Variants in AGO2 observed in about 807,000 individuals in gnomAD.
The protein encoded by AGO2 is argonaute RISC catalytic component 2.
A neutral mutation model predicts 102.3 loss-of-function variants in AGO2; 5 were observed. The observed-to-expected ratio is 0.05, with a 90% confidence interval of 0.03 to 0.10. AGO2 has a LOEUF of 0.10. Among genes scored for constraint, AGO2 ranks in the 10% least tolerant of loss-of-function variants. The pLI, the probability that AGO2 is intolerant of heterozygous loss-of-function variation, is 1.00. For synonymous variants in AGO2, 449 were observed against 473.1 expected, an observed-to-expected ratio of 0.95 and a Z score of 0.66; for missense variants, 541 against 1,183.7, an observed-to-expected ratio of 0.46 and a Z score of 7.97.
At chr8:140,617,484 C>T (rs1041139225) in intron 1 of AGO2, among the ~76,000 whole-genome samples, 1 of 152,110 alleles carries the variant, frequency 6.6e-6, no homozygotes, top group African/African-American at 2.4e-5. Flanking sequence ...AACTCCTGAC[C>T]TCAAGTGATC....
chr8:140,557,820 C>T lies in AGO2; in HGVS notation c.879-584G>A, dbSNP rs971256351. ...TCAGTTTCTACTGCACAGACCCCTT[C>T]CCCCAATCCAGACTGCCGGGCCATC... On this transcript the variant is annotated intron_variant, in intron 7 of 18. Coordinates refer to ENST00000220592, the MANE Select transcript of AGO2 (RefSeq NM_012154.5). The surrounding 1 kb of genome is among the most constrained non-coding windows in gnomAD (Gnocchi z 5.9). 6.6e-5 allele frequency among the ~76,000 whole-genome samples: 10 copies of T among 152,208 alleles called. No individual in the cohort carries two copies. Among genetic ancestry groups the T allele is most frequent in the Non-Finnish European group, 1.3e-4 (9 of 68,032 alleles).
In AGO2 at chr8:140,547,425, T is replaced by C. The variant is rs2132898007; in HGVS notation, c.1748+43A>G. 3 of 1,600,632 alleles carry C rather than the reference T, an allele frequency of 1.9e-6. No homozygotes were observed. The South Asian group carries it at 3.4e-5, about 18-fold the overall frequency. On this transcript the variant is annotated intron_variant, in intron 13 of 18. Transcript: ENST00000220592. ...CACCCCACCCTGCCAAGCGTCCCAC[T>C]GTGCCCTGGTCCGCAGGCGGAGGTA...
At chr8:140,622,020 C>A (rs1046714191) in intron 1 of AGO2, among the ~76,000 whole-genome samples, 1 of 152,188 alleles carries the variant, frequency 6.6e-6, no homozygotes, top group Non-Finnish European at 1.5e-5. Flanking sequence ...CAAGCCAAAT[C>A]GTAGATGAAC....
chr8:140,534,458 C>A (rs1271020680), intron 17 of AGO2, among the ~76,000 whole-genome samples: 1 of 152,166 alleles, frequency 6.6e-6, no homozygotes, highest in East Asian at 1.9e-4. Flanking sequence ...CTGGGACAGG[C>A]ACTTTGCACC....
chr8:140,599,528 G>A (rs1288067671), intron 1 of AGO2, among the ~76,000 whole-genome samples: 2 of 152,140 alleles, frequency 1.3e-5, no homozygotes, highest in Non-Finnish European at 2.9e-5. Context: ...GCAGCTCCAG[G>A]TCCGACACTC....
chr8:140,538,359 T>A (rs1413339320), intron 16 of AGO2, among the ~76,000 whole-genome samples: 1 of 152,256 alleles, frequency 6.6e-6, no homozygotes, highest in African/African-American at 2.4e-5. Context: ...GCCTCCTTTC[T>A]GGGCAGGTCT....
At chr8:140,552,740 G>GCACACACA (rs58668484) in intron 10 of AGO2, among the ~76,000 whole-genome samples, 2 of 130,886 alleles carry the variant, frequency 1.5e-5, no homozygotes, top group Non-Finnish European at 1.7e-5. Flanking sequence ...GCGCGCGCGC[G>GCACACACA]CACACACACA....
At chr8:140,631,674 C>A (rs1406260381) in intron 1 of AGO2, among the ~76,000 whole-genome samples, 2 of 152,148 alleles carry the variant, frequency 1.3e-5, no homozygotes, top group Non-Finnish European at 2.9e-5. Flanking sequence ...ATTCAGGATC[C>A]AAAGCACCCA....
chr8:140,629,931 G>GGGAGA (rs939703236), intron 1 of AGO2, among the ~76,000 whole-genome samples: 1 of 150,820 alleles, frequency 6.6e-6, no homozygotes, highest in East Asian at 2.0e-4. Context: ...GGGAGCGGAG[G>GGGAGA]GGAGAGGAGA....
At position 140,532,535 on chromosome 8, in the gene AGO2, G is replaced by A. The variant is rs375849056; in HGVS notation, c.2352C>T (p.Tyr784=). The stretch of plus-strand genomic sequence containing the variant: ...AGCGCACGTAGGTGTGACACAGCTG[G>A]TAGGTTAGGATCTGCAGCTCATCAG... ...FSSDELQILT[Y]QLCHTYVRCT... The change falls in exon 18 of 19, where the codon TAC becomes TAT. Residue 784 remains tyrosine, a synonymous_variant. Coordinates refer to ENST00000220592, the MANE Select transcript of AGO2 (RefSeq NM_012154.5). The A allele has an allele frequency of 8.1e-6, 13 of 1,614,168 alleles. No individual in the cohort carries two copies. Among genetic ancestry groups the A allele is most frequent in the Non-Finnish European group, 1.1e-5 (13 of 1,180,058 alleles).
At chr8:140,571,133 C>T (rs1364468736) in intron 3 of AGO2, among the ~76,000 whole-genome samples, 1 of 152,202 alleles carries the variant, frequency 6.6e-6, no homozygotes, top group East Asian at 1.9e-4. Context: ...CTTGGGAAAA[C>T]CAACGTCTAT....
chr8:140,560,369 C>T lies in AGO2; in HGVS notation c.655+5G>A. ...CTGCAGTGAAGACCCCAGGGCGCTG[C>T]TTACCATCAATATTCAGCATCATTT... is the stretch of plus-strand genomic sequence containing the variant. On this transcript the variant is annotated splice_donor_5th_base_variant and intron_variant, in intron 5 of 18. Transcript: ENST00000220592. The T allele has an allele frequency of 1.2e-6, 2 of 1,614,014 alleles. No individual in the cohort carries two copies. The highest frequency in any genetic ancestry group is 1.7e-6 in the Non-Finnish European group (2 of 1,179,908).
chr8:140,578,335 G>A (rs920071547), intron 2 of AGO2, among the ~76,000 whole-genome samples: 1 of 152,218 alleles, frequency 6.6e-6, no homozygotes, highest in Non-Finnish European at 1.5e-5. Context: ...TCAACTAAGT[G>A]TTCAGTTCAG....
intron 1 of AGO2, among the ~76,000 whole-genome samples, chr8:140,600,549 G>A (rs1241610547): frequency 1.3e-5 from 2 of 152,064 alleles, no homozygotes; most frequent in Non-Finnish European, 2.9e-5. Flanking sequence ...GCGTGGTGGC[G>A]CATGCCTGTA....
At chr8:140,631,722 T>C (rs1463037130) in intron 1 of AGO2, among the ~76,000 whole-genome samples, 1 of 152,074 alleles carries the variant, frequency 6.6e-6, no homozygotes, top group Non-Finnish European at 1.5e-5. Flanking sequence ...GAGAAATTGA[T>C]CACAGACTGT....
At chr8:140,641,819 C>T in the AGO2 span, among the ~76,000 whole-genome samples, 1 of 152,098 alleles carries the variant, frequency 6.6e-6, no homozygotes, top group Non-Finnish European at 1.5e-5. Context: ...ATCCACCCAC[C>T]TTGGCCTTCC....
At chr8:140,577,846 G>A (rs1304312699) in intron 2 of AGO2, among the ~76,000 whole-genome samples, 2 of 152,224 alleles carry the variant, frequency 1.3e-5, no homozygotes, top group East Asian at 3.8e-4. Flanking sequence ...CCAGCACTCG[G>A]CATGATCACT....
chr8:140,563,653 A>G (rs1293853142), intron 3 of AGO2, among the ~76,000 whole-genome samples: 1 of 152,186 alleles, frequency 6.6e-6, no homozygotes, highest in African/African-American at 2.4e-5. Context: ...TTCCCACTCC[A>G]TGTGTGATGC....
At chr8:140,628,374 G>A (rs1487416009) in intron 1 of AGO2, among the ~76,000 whole-genome samples, 1 of 152,250 alleles carries the variant, frequency 6.6e-6, no homozygotes, top group Non-Finnish European at 1.5e-5. Flanking sequence ...CAGGCACGTG[G>A]AGCTGCAGGC....
Sources: allele counts gnomAD v4.1 joint callset (sites outside exome capture counted in the v4.1 genomes callset), GRCh38; gene constraint gnomAD v4.1.1; non-coding constraint Gnocchi (gnomAD v3.1); transcripts MANE v1.5; gene names NCBI Gene and HGNC (gene_info 2026-07-23, HGNC 2026-07-21).